The following CFAP99 variants were observed in gnomAD, a reference collection of about 807,000 sequenced individuals.
CFAP99 encodes cilia and flagella associated protein 99, also known as cilia- and flagella-associated protein 99.
Under a neutral mutation model 82.7 loss-of-function variants are expected in CFAP99, and 84 were observed. That is an observed-to-expected ratio of 1.02 (90% CI 0.85 to 1.22). The LOEUF is 1.22. Among genes scored for constraint, CFAP99 ranks in the 50% most tolerant of loss-of-function variants. CFAP99 has a pLI of 0.00. For synonymous variants in CFAP99, 456 were observed against 429.5 expected, an observed-to-expected ratio of 1.06 and a Z score of -0.76; for missense variants, 1,059 against 983.5, an observed-to-expected ratio of 1.08 and a Z score of -1.03.
chr4:2,451,044 G>A (rs1475471856), intron 9 of CFAP99, 26 bp downstream of exon 9: 6 of 1,530,186 alleles, frequency 3.9e-6, no homozygotes, highest in Non-Finnish European at 3.5e-6. Context: ...GGATGGTCAG[G>A]CTGCTCTCCC....
At chr4:2,443,461 A>G (rs915724933) in intron 5 of CFAP99, among the ~76,000 whole-genome samples, 1 of 152,204 alleles carries the variant, frequency 6.6e-6, no homozygotes, top group African/African-American at 2.4e-5. Flanking sequence ...CAACTGCCCA[A>G]GCCCCAGCCT....
At chr4:2,459,213 C>G (rs559612499) in exon 13 of CFAP99, 4 of 1,535,560 alleles carry the variant, frequency 2.6e-6, no homozygotes, top group Admixed American at 3.9e-5. Context: ...TGCGCGCACT[C>G]GAGACACAGC....
chr4:2,445,416 A>G, intron 6 of CFAP99, 108 bp downstream of exon 6: 2 of 1,003,760 alleles, frequency 2.0e-6, no homozygotes, highest in Non-Finnish European at 2.6e-6. Context: ...CCCAGGGCTG[A>G]GGGTGCACTG....
rs1373131214 is a variant in CFAP99, at chr4:2,448,889, T to C, written c.643-781T>C. On this transcript the variant is annotated intron_variant, in intron 6 of 14. Transcript: ENST00000635017. The surrounding 1 kb of genome is among the most constrained non-coding windows in gnomAD (Gnocchi z 5.2). ...GTGAGAGGCAGTTCCTGGAGATGGC[T>C]TGAAGCAGGTGGGCAGGAGATGGAT... 6.6e-6 allele frequency among the ~76,000 whole-genome samples: 1 copy of C among 152,132 alleles called. No individual in the cohort carries two copies. Among genetic ancestry groups the C allele is most frequent in the Non-Finnish European group, 1.5e-5 (1 of 67,994 alleles).
At position 2,448,598 on chromosome 4, in the gene CFAP99, C is replaced by G. The variant is rs1388543277; in HGVS notation, c.643-1072C>G. On this transcript the variant is annotated intron_variant, in intron 6 of 14. Coordinates refer to ENST00000635017, the Ensembl canonical transcript of CFAP99. This position sits in a 1 kb window ranked among gnomAD's most constrained non-coding sequence, Gnocchi z 5.2. ...CGAGAAATGCCATGGAGTAAAAAAC[C>G]AGAAGTGAGCAAGTCGGCCATGGGG... 6.6e-6 allele frequency among the ~76,000 whole-genome samples: 1 copy of G among 152,202 alleles called. No homozygotes were observed. Among genetic ancestry groups the G allele is most frequent in the East Asian group, 1.9e-4 (1 of 5,196 alleles).
At chr4:2,441,825 C>T (rs1482249747) in intron 4 of CFAP99, among the ~76,000 whole-genome samples, 1 of 152,198 alleles carries the variant, frequency 6.6e-6, no homozygotes, top group African/African-American at 2.4e-5. Context: ...TGTGGCCTCT[C>T]CAGGGAAGCC....
intron 1 of CFAP99, among the ~76,000 whole-genome samples, chr4:2,425,563 C>A (rs920354618): frequency 2.0e-5 from 3 of 152,160 alleles, no homozygotes; most frequent in Non-Finnish European, 4.4e-5. Context: ...TCAAGCCCAG[C>A]CTGGCCCAGA....
intron 11 of CFAP99, among the ~76,000 whole-genome samples, chr4:2,453,868 C>T (rs1270419449): frequency 4.7e-5 from 7 of 150,518 alleles, no homozygotes; most frequent in Admixed American, 2.0e-4. Context: ...GGCTGGAGTG[C>T]GGTGGTGTGA....
At chr4:2,450,035 T>C (rs763902628) in intron 8 of CFAP99, 30 bp downstream of exon 8, 1 of 1,532,148 alleles carries the variant, frequency 6.5e-7, no homozygotes, top group South Asian at 1.2e-5. Context: ...AGACCCATCA[T>C]CGAGGTGCCA....
At chr4:2,461,657 C>G (rs1168749996) in intron 14 of CFAP99, among the ~76,000 whole-genome samples, 1 of 152,152 alleles carries the variant, frequency 6.6e-6, no homozygotes, top group Admixed American at 6.5e-5. Context: ...AGAGCGGGCT[C>G]AGGCATGCAC....
intron 4 of CFAP99, among the ~76,000 whole-genome samples, chr4:2,440,178 G>A (rs28391615): frequency 0.1 from 10,033 of 97,770 alleles, 291 homozygotes; most frequent in African/African-American, 0.23. Context: ...ACGGAGTCTC[G>A]CTCTGTCGCC....
intron 6 of CFAP99, among the ~76,000 whole-genome samples, chr4:2,447,412 GGTGA>G (rs921950224): frequency 8.6e-5 from 13 of 151,572 alleles, no homozygotes; most frequent in African/African-American, 3.2e-4. Context: ...ATGGTGGGTG[GGTGA>G]GTGAATGGGT....
At position 2,460,088 on chromosome 4, in the gene CFAP99, C is replaced by T. The variant is rs779968383; in HGVS notation, c.1507C>T (p.Arg503Trp). The T allele has an allele frequency of 4.2e-5, 65 of 1,535,932 alleles. No homozygotes were observed. Among genetic ancestry groups the T allele is most frequent in the Non-Finnish European group, 2.6e-5 (30 of 1,146,918 alleles). ...GATGTCCATAGTGGAGCTGCGAGAG[C>T]GGCTGGCCCTGCTCAAAGAGAATCA... The change falls in exon 14 of 15, where the codon CGG becomes TGG. Residue 503 changes from arginine (R) to tryptophan (W), a missense_variant. Coordinates refer to ENST00000635017, the Ensembl canonical transcript of CFAP99.
Position 2,460,262 on chromosome 4 carries a change from A to T in CFAP99, c.1661+20A>T, listed in dbSNP as rs1364159104. On this transcript the variant is annotated intron_variant, in intron 14 of 14. Coordinates refer to ENST00000635017, the Ensembl canonical transcript of CFAP99. ...CTTGAGGTTGGTACTGGGCTCGGGGAGGGTGCCTCTGGGTGGACAGGGAGC... is the reference window on the plus strand; with the variant it reads ...CTTGAGGTTGGTACTGGGCTCGGGGTGGGTGCCTCTGGGTGGACAGGGAGC... 6.5e-7 allele frequency: 1 copy of T among 1,534,296 alleles called. No individual in the cohort carries two copies. The highest frequency in any genetic ancestry group is 2.4e-5 in the East Asian group (1 of 40,906).
intron 1 of CFAP99, among the ~76,000 whole-genome samples, chr4:2,424,176 T>TG (rs1733638181): frequency 6.6e-6 from 1 of 152,160 alleles, no homozygotes; most frequent in African/African-American, 2.4e-5. Context: ...CCCAGCACTT[T>TG]GGGAGGCTGA....
At chr4:2,452,701 T>C (rs1273479062) in intron 11 of CFAP99, among the ~76,000 whole-genome samples, 1 of 152,220 alleles carries the variant, frequency 6.6e-6, no homozygotes, top group Non-Finnish European at 1.5e-5. Context: ...CTTCTTTTGA[T>C]AGTTTCATCT....
intron 2 of CFAP99, among the ~76,000 whole-genome samples, chr4:2,434,098 C>A (rs561713457): frequency 1.3e-5 from 2 of 152,172 alleles, no homozygotes; most frequent in African/African-American, 4.8e-5. Flanking sequence ...TAAGGAACCA[C>A]GTTTACTGCG....
At chr4:2,434,180 G>A (rs1291899228) in intron 2 of CFAP99, among the ~76,000 whole-genome samples, 7 of 152,186 alleles carry the variant, frequency 4.6e-5, no homozygotes, top group African/African-American at 1.2e-4. Flanking sequence ...TGTGATGTCC[G>A]CCCCAGTATC....
chr4:2,435,030 T>C (rs1733879663), intron 2 of CFAP99, among the ~76,000 whole-genome samples: 1 of 152,038 alleles, frequency 6.6e-6, no homozygotes, highest in Non-Finnish European at 1.5e-5. Context: ...GTGGGGTGGC[T>C]CACACCTGTA....
Sources: allele counts gnomAD v4.1 joint callset (sites outside exome capture counted in the v4.1 genomes callset), GRCh38; gene constraint gnomAD v4.1.1; non-coding constraint Gnocchi (gnomAD v3.1); transcripts MANE v1.5; gene names NCBI Gene and HGNC (gene_info 2026-07-23, HGNC 2026-07-21).